The following ETS1 variants were observed in gnomAD, a reference collection of about 807,000 sequenced individuals.
The protein encoded by ETS1 is ETS proto-oncogene 1, transcription factor.
ETS1 carries 15 observed loss-of-function variants against 58.6 expected under a neutral mutation model. That is an observed-to-expected ratio of 0.26 (90% CI 0.17 to 0.39). The LOEUF is 0.39. Among genes scored for constraint, ETS1 ranks in the 10% least tolerant of loss-of-function variants. ETS1 has a pLI of 1.00. For synonymous variants in ETS1, 214 were observed against 218.2 expected (o/e 0.98, Z 0.17); for missense variants, 417 against 610.5 (o/e 0.68, Z 3.34).
chr11:128,545,490 T>C (rs1379643450), intron 3 of ETS1, among the ~76,000 whole-genome samples: 2 of 152,190 alleles, frequency 1.3e-5, no homozygotes, highest in African/African-American at 4.8e-5. Flanking sequence ...CTGAGTCTTA[T>C]TTATCTCATC....
In ETS1 at chr11:128,459,547, G is replaced by A. The variant is rs1441748368; in HGVS notation, c.*2814C>T. The stretch of plus-strand genomic sequence containing the variant: ...AAAGCCAAAACCAACAAAGGTTAAG[G>A]CATCTCTGGGAAAATAAGGGTTTCA... On this transcript the variant is annotated 3_prime_UTR_variant, in exon 10 of 10. Transcript: ENST00000392668. The A allele has an allele frequency of 6.5e-6, 1 of 152,792 alleles. No homozygotes were observed. Among genetic ancestry groups the A allele is most frequent in the East Asian group, 1.9e-4 (1 of 5,336 alleles). 9.5% of individuals were successfully genotyped at this position (152,792 alleles called of 1,614,324 possible).
chr11:128,474,937 C>G (rs1862282640), intron 8 of ETS1, among the ~76,000 whole-genome samples: 1 of 152,246 alleles, frequency 6.6e-6, no homozygotes, highest in Admixed American at 6.5e-5. Context: ...TGGAAGCCAG[C>G]CCCAGCTTTG....
At chr11:128,467,140 A>G (rs1372796960) in intron 8 of ETS1, among the ~76,000 whole-genome samples, 1 of 152,248 alleles carries the variant, frequency 6.6e-6, no homozygotes, top group Non-Finnish European at 1.5e-5. Flanking sequence ...ATGTTCTTCC[A>G]GCCAGAAACA....
In ETS1 at chr11:128,567,611, G is replaced by GTTTTGTTTTTGTTTTTGTTTTTGT. The variant is rs5795622; in HGVS notation, c.69+5427_69+5450dup. The stretch of plus-strand genomic sequence containing the variant: ...GAGTGGCAAGTTTTTTGTTTTTTGG[G>GTTTTGTTTTTGTTTTTGTTTTTGT]TTTTGTTTTTGTTTTTGTTTTTGTT... On this transcript the variant is annotated intron_variant, in intron 2 of 9. Transcript: ENST00000392668. Among the ~76,000 whole-genome samples, 7 of 147,628 alleles carry GTTTTGTTTTTGTTTTTGTTTTTGT rather than the reference G, an allele frequency of 4.7e-5. No individual in the cohort carries two copies. In the South Asian group the frequency reaches 8.7e-4, roughly 18 times the overall value.
At chr11:128,562,563 A>G (rs1380218136) in intron 2 of ETS1, among the ~76,000 whole-genome samples, 1 of 152,122 alleles carries the variant, frequency 6.6e-6, no homozygotes, top group Non-Finnish European at 1.5e-5. Flanking sequence ...GTCCTCTTAG[A>G]AAGAGGCTAC....
At chr11:128,573,896 C>T (rs981110863) in intron 1 of ETS1, among the ~76,000 whole-genome samples, 1 of 152,144 alleles carries the variant, frequency 6.6e-6, no homozygotes, top group African/African-American at 2.4e-5. Context: ...TTTAAAAAGT[C>T]GTTCTTGAAT....
intron 3 of ETS1, among the ~76,000 whole-genome samples, chr11:128,551,800 A>G (rs1252913978): frequency 2.0e-5 from 3 of 152,130 alleles, no homozygotes; most frequent in Non-Finnish European, 4.4e-5. Flanking sequence ...TCATAATAGC[A>G]AATATTCATA....
rs183680717 is a variant in ETS1 at position 128,495,658 on chromosome 11, G to A, written c.215-5082C>T. Among the ~76,000 whole-genome samples, 1,048 of 152,244 alleles carry A rather than the reference G, an allele frequency of 6.9e-3. 21 individuals carry two copies. The highest frequency in any genetic ancestry group is 6.3e-3 in the Non-Finnish European group (430 of 68,004). On this transcript the variant is annotated intron_variant, in intron 3 of 9. Coordinates refer to ENST00000392668, the MANE Select transcript of ETS1 (RefSeq NM_001143820.2). ...AAAGTAAACCAAGAATAAACCTTCT[G>A]GTCCACATGGAGAGGATAAAAGAAC...
At chr11:128,495,880 T>C (rs977981851) in intron 3 of ETS1, among the ~76,000 whole-genome samples, 6 of 152,204 alleles carry the variant, frequency 3.9e-5, no homozygotes, top group South Asian at 2.1e-4. Flanking sequence ...ATATCCCTCA[T>C]AGAGTTTTAC....
intron 2 of ETS1, among the ~76,000 whole-genome samples, chr11:128,566,302 G>A (rs2135569565): frequency 6.6e-6 from 1 of 152,292 alleles, no homozygotes; most frequent in Non-Finnish European, 1.5e-5. Flanking sequence ...AGAATAGAAA[G>A]AGATGAGATA....
At chr11:128,518,336 C>T (rs1386339253) in intron 3 of ETS1, among the ~76,000 whole-genome samples, 1 of 152,210 alleles carries the variant, frequency 6.6e-6, no homozygotes, top group Non-Finnish European at 1.5e-5. Flanking sequence ...TTCTAACAAA[C>T]ATTCAAGGGC....
intron 3 of ETS1, among the ~76,000 whole-genome samples, chr11:128,511,757 C>G (rs1863398766): frequency 6.6e-6 from 1 of 152,182 alleles, no homozygotes; most frequent in African/African-American, 2.4e-5. Context: ...CTCATCGAAT[C>G]AAAGAAATGT....
At chr11:128,489,152 T>G (rs142820871) in intron 5 of ETS1, 138 bp downstream of exon 5, 2 of 736,736 alleles carry the variant, frequency 2.7e-6, no homozygotes, top group African/African-American at 3.4e-5. Flanking sequence ...AGCAGTGTAC[T>G]AGGCACATTC....
At chr11:128,521,353 A>G (rs1173566811) in intron 3 of ETS1, among the ~76,000 whole-genome samples, 3 of 152,188 alleles carry the variant, frequency 2.0e-5, no homozygotes, top group Non-Finnish European at 2.9e-5. Flanking sequence ...CTCAAAGTTA[A>G]GAGGATAATT....
intron 8 of ETS1, among the ~76,000 whole-genome samples, chr11:128,467,478 G>A (rs1017107133): frequency 3.3e-5 from 5 of 152,132 alleles, no homozygotes; most frequent in Non-Finnish European, 5.9e-5. Context: ...AGGGCTCCAG[G>A]ACCCCATCCC....
chr11:128,467,740 G>A (rs901667802), intron 8 of ETS1, among the ~76,000 whole-genome samples: 3 of 152,118 alleles, frequency 2.0e-5, no homozygotes, highest in African/African-American at 4.8e-5. Flanking sequence ...CACCCTTCAC[G>A]ATGCTGCCCG....
chr11:128,474,139 AT>A (rs1862258879), intron 8 of ETS1, among the ~76,000 whole-genome samples: 3 of 152,214 alleles, frequency 2.0e-5, no homozygotes, highest in African/African-American at 7.2e-5. Context: ...TATACCCAGA[AT>A]AGAGGGGTCA....
intron 3 of ETS1, among the ~76,000 whole-genome samples, chr11:128,509,026 C>T (rs1444222922): frequency 1.3e-5 from 2 of 152,166 alleles, no homozygotes; most frequent in African/African-American, 4.8e-5. Context: ...CGGCAAGTCA[C>T]CCAGGGCCCA....
At chr11:128,473,634 T>C (rs751643865) in intron 8 of ETS1, among the ~76,000 whole-genome samples, 14 of 152,196 alleles carry the variant, frequency 9.2e-5, no homozygotes, top group Non-Finnish European at 1.6e-4. Context: ...TGGACTTCTC[T>C]ACCTGCAGGC....
Sources: gnomAD v4.1 joint callset for allele counts (sites outside exome capture counted in the v4.1 genomes callset) on GRCh38, gnomAD v4.1.1 for gene constraint, MANE v1.5 for transcripts, NCBI Gene and HGNC (gene_info 2026-07-23, HGNC 2026-07-21) for gene names.